Variants in PKIG observed in about 807,000 individuals in gnomAD.
PKIG encodes the protein cAMP-dependent protein kinase inhibitor gamma.
In PKIG, 1 loss-of-function variant was observed where a neutral mutation model predicts 6.8. The ratio of observed to expected loss-of-function variants is 0.15; its 90% CI spans 0.05 to 0.69. The LOEUF (loss-of-function observed/expected upper bound fraction) is 0.69, where lower values mean the gene tolerates loss of function less well. PKIG is among the 30% of genes least tolerant of loss of function. The pLI, the probability that PKIG is intolerant of heterozygous loss-of-function variation, is 0.82. For missense variants in PKIG, 77 were observed against 104.0 expected (o/e 0.74, Z 1.13); for synonymous variants, 39 against 43.0 (o/e 0.91, Z 0.36).
intron 2 of PKIG, among the ~76,000 whole-genome samples, chr20:44,607,501 T>C (rs1177625409): frequency 4.3e-4 from 57 of 133,918 alleles, no homozygotes; most frequent in Middle Eastern, 5.1e-3. Flanking sequence ...CTCAGCCTCC[T>C]GAGTAGCTGG....
chr20:44,612,232 GACT>G, intron 2 of PKIG, among the ~76,000 whole-genome samples: 1 of 152,086 alleles, frequency 6.6e-6, no homozygotes, highest in South Asian at 2.1e-4. Context: ...TCTTTTTTAT[GACT>G]ACTTCATAAT....
chr20:44,615,691 G>T (rs907240716), intron 3 of PKIG, among the ~76,000 whole-genome samples: 1 of 152,160 alleles, frequency 6.6e-6, no homozygotes, highest in Non-Finnish European at 1.5e-5. Context: ...CTGTCTCCCC[G>T]TGGGCTGTCC....
intron 1 of PKIG, among the ~76,000 whole-genome samples, chr20:44,568,090 A>G (rs2064824830): frequency 6.6e-6 from 1 of 152,178 alleles, no homozygotes; most frequent in Non-Finnish European, 1.5e-5. Flanking sequence ...AGGCTGCACC[A>G]TGATCATGCC....
chr20:44,578,328 CAA>C (rs3092061), upstream of PKIG, among the ~76,000 whole-genome samples: 137 of 87,218 alleles, frequency 1.6e-3, no homozygotes, highest in African/African-American at 4.4e-3. Flanking sequence ...GACTCCATCT[CAA>C]AAAAAAAAAA....
intron 1 of PKIG, among the ~76,000 whole-genome samples, chr20:44,571,440 T>C (rs577360313): frequency 2.8e-4 from 42 of 152,302 alleles, no homozygotes; most frequent in Admixed American, 1.2e-3. Flanking sequence ...GTAAGTCCCT[T>C]TTAGGAATCT....
chr20:44,591,040 A>G (rs1363258399), intron 2 of PKIG, among the ~76,000 whole-genome samples: 1 of 152,246 alleles, frequency 6.6e-6, no homozygotes, highest in Non-Finnish European at 1.5e-5. Context: ...AAAGTGGCAC[A>G]GTCCTTGCCC....
At chr20:44,541,395 C>G (rs2064560488) in intron 1 of PKIG, among the ~76,000 whole-genome samples, 1 of 151,934 alleles carries the variant, frequency 6.6e-6, no homozygotes, top group African/African-American at 2.4e-5. Context: ...CTCAAGTGAT[C>G]CTCTCACCTC....
intron 1 of PKIG, among the ~76,000 whole-genome samples, chr20:44,539,903 C>A (rs568638360): frequency 6.6e-6 from 1 of 152,186 alleles, no homozygotes; most frequent in African/African-American, 2.4e-5. Context: ...AAAGTCATAT[C>A]ATTTGCCCTA....
At chr20:44,605,731 T>C (rs955506471) in intron 2 of PKIG, among the ~76,000 whole-genome samples, 3 of 151,294 alleles carry the variant, frequency 2.0e-5, no homozygotes, top group African/African-American at 7.3e-5. Flanking sequence ...CTGGGCAACA[T>C]AGTGAGACCC....
At chr20:44,599,199 G>A (rs1321688390) in intron 2 of PKIG, among the ~76,000 whole-genome samples, 1 of 152,146 alleles carries the variant, frequency 6.6e-6, no homozygotes, top group Non-Finnish European at 1.5e-5. Context: ...GGTCAGAAAA[G>A]GGAATGGGTA....
At chr20:44,544,580 G>A (rs1441577507) in intron 1 of PKIG, among the ~76,000 whole-genome samples, 1 of 152,188 alleles carries the variant, frequency 6.6e-6, no homozygotes, top group African/African-American at 2.4e-5. Context: ...TAGCCAAACG[G>A]TCTTTGAGGC....
At chr20:44,603,373 A>G (rs1350262908) in intron 2 of PKIG, among the ~76,000 whole-genome samples, 1 of 152,154 alleles carries the variant, frequency 6.6e-6, no homozygotes, top group Admixed American at 6.5e-5. Context: ...GAATCTTCAT[A>G]ACAGCCCCCT....
Position 44,613,148 on chromosome 20 carries a change from G to A in PKIG, c.-23-1386G>A, listed in dbSNP as rs142018234. Among the ~76,000 whole-genome samples the A allele has an allele frequency of 4.1e-4, 62 of 152,290 alleles. 1 individual carries two copies. The South Asian group carries it at 0.012, about 31-fold the overall frequency. On this transcript the variant is annotated intron_variant, in intron 2 of 3. Transcript: ENST00000372886. ...ACCAGGGCTGTTAACTGCTGTCTCT[G>A]TAGTAAGAACTACTAATTTATTTTT...
chr20:44,561,516 A>G (rs757909404), intron 1 of PKIG, among the ~76,000 whole-genome samples: 2 of 152,274 alleles, frequency 1.3e-5, no homozygotes, highest in African/African-American at 4.8e-5. Context: ...AAAATTCTCC[A>G]GAATAAACCT....
At chr20:44,565,235 G>T (rs1051905002) in intron 1 of PKIG, among the ~76,000 whole-genome samples, 1 of 151,894 alleles carries the variant, frequency 6.6e-6, no homozygotes, top group Non-Finnish European at 1.5e-5. Context: ...GCTAGTGCTG[G>T]GACTATAGAG....
chr20:44,600,787 C>G (rs936066876), intron 2 of PKIG, among the ~76,000 whole-genome samples: 1 of 151,880 alleles, frequency 6.6e-6, no homozygotes, highest in Non-Finnish European at 1.5e-5. Context: ...GGGTTTCCAG[C>G]TGGGCAGATG....
intron 2 of PKIG, among the ~76,000 whole-genome samples, chr20:44,600,472 C>T (rs1348144851): frequency 6.6e-6 from 1 of 152,050 alleles, no homozygotes; most frequent in African/African-American, 2.4e-5. Context: ...GCTCAGAGTC[C>T]TGGTGAGACA....
chr20:44,542,122 TTCTC>T (rs1181638384), intron 1 of PKIG, among the ~76,000 whole-genome samples: 1 of 152,232 alleles, frequency 6.6e-6, no homozygotes, highest in Non-Finnish European at 1.5e-5. Context: ...AGGGTCATTG[TTCTC>T]TGTTAGCCAA....
chr20:44,578,752 G>A (rs2064922197), upstream of PKIG, among the ~76,000 whole-genome samples: 1 of 152,102 alleles, frequency 6.6e-6, no homozygotes, highest in African/African-American at 2.4e-5. Flanking sequence ...CAGTGCAAAC[G>A]GACTAACACT....
Sources: allele counts gnomAD v4.1 joint callset (sites outside exome capture counted in the v4.1 genomes callset), GRCh38; gene constraint gnomAD v4.1.1; transcripts MANE v1.5; gene names NCBI Gene and HGNC (gene_info 2026-07-23, HGNC 2026-07-21).